Variants in MED20 observed in about 807,000 individuals in gnomAD.
MED20 encodes mediator complex subunit 20.
Under a neutral mutation model 19.7 loss-of-function variants are expected in MED20, and 19 were observed. The ratio of observed to expected loss-of-function variants is 0.96; its 90% CI spans 0.67 to 1.42. The LOEUF (loss-of-function observed/expected upper bound fraction) is 1.42, where lower values mean the gene tolerates loss of function less well. MED20 is among the 40% of genes most tolerant of loss of function. The pLI is 0.00. For missense variants in MED20, 225 were observed against 273.0 expected (o/e 0.82, Z 1.24); for synonymous variants, 105 against 104.8 (o/e 1.00, Z -0.01).
At chr6:41,915,951 C>T (rs954178652) in intron 2 of MED20, among the ~76,000 whole-genome samples, 1 of 152,148 alleles carries the variant, frequency 6.6e-6, no homozygotes, top group Non-Finnish European at 1.5e-5. Flanking sequence ...TCAACTATAC[C>T]TCAATAAAGC....
chr6:41,909,363 A>G lies in MED20; in HGVS notation c.329T>C (p.Ile110Thr), dbSNP rs1275415583. 23 of 1,614,168 alleles carry G rather than the reference A, an allele frequency of 1.4e-5. No homozygotes were observed. The highest frequency in any genetic ancestry group is 1.9e-5 in the Non-Finnish European group (23 of 1,180,038). ...GFFQSAKASKIETRGTRYQYC... is the reference protein window; with the variant it reads ...GFFQSAKASKTETRGTRYQYC... ...CTGGTACCTGGTGCCCCGGGTCTCAATCTTGCTGGCCTTAGCACTCTGGAA... is the reference window on the plus strand; with the variant it reads ...CTGGTACCTGGTGCCCCGGGTCTCAGTCTTGCTGGCCTTAGCACTCTGGAA... Residue 110 changes from isoleucine (I) to threonine (T), a missense_variant, in exon 3 of 4, where the codon ATT (isoleucine) becomes ACT (threonine). Ile to Thr is a moderately conservative substitution (Grantham distance 89). Transcript: ENST00000265350.
chr6:41,921,023 T>C lies in MED20; in HGVS notation c.-5A>G. 6.2e-7 allele frequency: 1 copy of C among 1,612,948 alleles called. No individual in the cohort carries two copies. Among genetic ancestry groups the C allele is most frequent in the Non-Finnish European group, 8.5e-7 (1 of 1,179,406 alleles). ...GTCCTACCAAGTCACTCCCATGGCG[T>C]CGGGCCAGGAAGGTGGCAGAATCAC... is the stretch of plus-strand genomic sequence containing the variant. On this transcript the variant is annotated 5_prime_UTR_variant, in exon 1 of 4. Transcript: ENST00000265350.
chr6:41,913,781 C>T (rs1314371785), intron 2 of MED20, among the ~76,000 whole-genome samples: 1 of 152,042 alleles, frequency 6.6e-6, no homozygotes, highest in African/African-American at 2.4e-5. Flanking sequence ...ACCTGTAGTC[C>T]CAGCTACTCG....
intron 2 of MED20, 137 bp downstream of exon 2, chr6:41,916,648 T>C: frequency 9.7e-7 from 1 of 1,029,536 alleles, no homozygotes; most frequent in Non-Finnish European, 1.4e-6. Flanking sequence ...AACCAAGAAT[T>C]AATGACGTCA....
chr6:41,912,802 C>A (rs145547545), intron 2 of MED20, among the ~76,000 whole-genome samples: 1 of 152,216 alleles, frequency 6.6e-6, no homozygotes, highest in Non-Finnish European at 1.5e-5. Flanking sequence ...GCAGAACCAC[C>A]TGGGAACTTA....
At chr6:41,918,810 G>A (rs1290391767) in intron 1 of MED20, among the ~76,000 whole-genome samples, 60 of 150,436 alleles carry the variant, frequency 4.0e-4, no homozygotes, top group Non-Finnish European at 5.9e-5. Flanking sequence ...AGCCGGGCGC[G>A]GTGGCGGGCG....
intron 1 of MED20, chr6:41,917,291 G>T: frequency 5.8e-6 from 1 of 173,778 alleles, no homozygotes; most frequent in South Asian, 1.1e-4. Context: ...TCCCAACTAC[G>T]TGGGAGGCTC....
chr6:41,911,339 C>T (rs1439331775), intron 2 of MED20, among the ~76,000 whole-genome samples: 4 of 151,470 alleles, frequency 2.6e-5, no homozygotes, highest in East Asian at 2.0e-4. Context: ...TTAGTAGAGA[C>T]GGGGTTTCAC....
chr6:41,913,715 T>C (rs1775250541), intron 2 of MED20, among the ~76,000 whole-genome samples: 1 of 152,086 alleles, frequency 6.6e-6, no homozygotes, highest in Admixed American at 6.6e-5. Context: ...CTGGCCAACA[T>C]GGTGAAACCC....
intron 3 of MED20, 77 bp downstream of exon 3, chr6:41,909,192 G>A: frequency 1.4e-6 from 2 of 1,472,160 alleles, no homozygotes; most frequent in Non-Finnish European, 1.8e-6. Flanking sequence ...AAAAAGAGAA[G>A]AACTGGAAAA....
chr6:41,909,833 A>G (rs1775148062), intron 2 of MED20, among the ~76,000 whole-genome samples: 1 of 152,230 alleles, frequency 6.6e-6, no homozygotes, highest in Admixed American at 6.5e-5. Flanking sequence ...GATGGTCTAC[A>G]TGTAAAGTCT....
chr6:41,919,788 C>G (rs879720429), intron 1 of MED20, among the ~76,000 whole-genome samples: 5 of 152,152 alleles, frequency 3.3e-5, no homozygotes, highest in Non-Finnish European at 5.9e-5. Context: ...AAAGAAAGAG[C>G]AAGGGTTCCA....
intron 1 of MED20, 45 bp from the exon 2 acceptor site, chr6:41,916,984 T>C (rs766378844): frequency 6.2e-7 from 1 of 1,608,400 alleles, no homozygotes; most frequent in African/African-American, 1.3e-5. Flanking sequence ...GAGACACACG[T>C]GTGCTCACTG....
intron 1 of MED20, among the ~76,000 whole-genome samples, chr6:41,920,010 A>G (rs1346347100): frequency 1.3e-5 from 2 of 152,128 alleles, no homozygotes; most frequent in Admixed American, 1.3e-4. Flanking sequence ...TGGCCTCCGG[A>G]TTTCTCCCAC....
chr6:41,907,835 A>G (rs1239756539), intron 3 of MED20, among the ~76,000 whole-genome samples: 1 of 152,108 alleles, frequency 6.6e-6, no homozygotes, highest in Non-Finnish European at 1.5e-5. Flanking sequence ...CTGCTCTCTT[A>G]ATTTTTTACT....
chr6:41,906,934 G>C lies in MED20; in HGVS notation c.*138C>G, dbSNP rs1367999788. 2.7e-6 allele frequency: 2 copies of C among 739,284 alleles called. No individual in the cohort carries two copies. The highest frequency in any genetic ancestry group is 5.4e-5 in the East Asian group (2 of 37,062). The allele number at this position is 739,284 out of a possible 1,614,324, so 45.8% of individuals were successfully genotyped here. A position where few individuals can be genotyped will look rare whatever the true frequency, so the allele number is the denominator to read the frequency against. On this transcript the variant is annotated 3_prime_UTR_variant, in exon 4 of 4. Transcript: ENST00000265350. Reference sequence around the variant, plus strand: ...GAGGGGACTCAGCCCCAGAACAAAAGCCACAGCTGAGAACCAGAGAAGGAG... The same window carrying C: ...GAGGGGACTCAGCCCCAGAACAAAACCCACAGCTGAGAACCAGAGAAGGAG...
intron 1 of MED20, 145 bp downstream of exon 1, chr6:41,920,860 C>T (rs1775444885): frequency 4.9e-6 from 5 of 1,022,520 alleles, no homozygotes; most frequent in Non-Finnish European, 6.8e-6. Context: ...GCCCGGGGAA[C>T]CCGCAGCCCG....
intron 2 of MED20, among the ~76,000 whole-genome samples, chr6:41,915,276 C>T (rs1229273688): frequency 6.6e-6 from 1 of 151,906 alleles, no homozygotes; most frequent in African/African-American, 2.4e-5. Context: ...TGGCTTGTGG[C>T]TAGGAGTTTG....
At chr6:41,910,039 A>C (rs539916931) in intron 2 of MED20, among the ~76,000 whole-genome samples, 1 of 152,302 alleles carries the variant, frequency 6.6e-6, no homozygotes, top group East Asian at 1.9e-4. Context: ...GTGTCTGAGC[A>C]TAAGCAGGGA....
Sources: gnomAD v4.1 joint callset for allele counts (sites outside exome capture counted in the v4.1 genomes callset) on GRCh38, gnomAD v4.1.1 for gene constraint, MANE v1.5 for transcripts, NCBI Gene and HGNC (gene_info 2026-07-23, HGNC 2026-07-21) for gene names.